The following MINDY4B variants were observed in gnomAD, a reference collection of about 807,000 sequenced individuals.
The protein encoded by MINDY4B is inactive ubiquitin carboxyl-terminal hydrolase MINDY-4B.
Under a neutral mutation model 16.7 loss-of-function variants are expected in MINDY4B, and 25 were observed. That is an observed-to-expected ratio of 1.49 (90% CI 1.09 to 2.09). The LOEUF (loss-of-function observed/expected upper bound fraction) is 2.09, where lower values mean the gene tolerates loss of function less well. Among genes scored for constraint, MINDY4B ranks in the 30% most tolerant of loss-of-function variants. The pLI is 0.00. For synonymous variants in MINDY4B, 132 were observed against 61.9 expected (o/e 2.13, Z -5.32); for missense variants, 327 against 168.4 (o/e 1.94, Z -5.21).
intron 7 of MINDY4B, among the ~76,000 whole-genome samples, chr3:150,888,245 A>G (rs189326870): frequency 7.2e-5 from 11 of 152,176 alleles, no homozygotes; most frequent in Admixed American, 6.5e-4. Context: ...CCATTATCAC[A>G]TGGTGTTCTT....
Position 150,870,700 on chromosome 3 carries a change from C to T in MINDY4B, c.*345G>A, listed in dbSNP as rs376397749. ...CAAATGAAAGCTAGCAGCCTGCTTC[C>T]GTAATCCTCATGGAGAGTTATACCA... On this transcript the variant is annotated 3_prime_UTR_variant, in exon 12 of 12. Transcript: ENST00000465419. 2.6e-5 allele frequency among the ~76,000 whole-genome samples: 4 copies of T among 152,286 alleles called. No individual in the cohort carries two copies. The highest frequency in any genetic ancestry group is 7.2e-5 in the African/African-American group (3 of 41,566).
At chr3:150,873,044 C>G (rs918015239) in intron 11 of MINDY4B, 143 bp downstream of exon 11, 2 of 563,644 alleles carry the variant, frequency 3.5e-6, no homozygotes, top group Non-Finnish European at 6.3e-6. Context: ...CCATGGGATT[C>G]ATGTGTGGGT....
rs1317797270 is a variant in MINDY4B at position 150,883,775 on chromosome 3, G to A, written c.825-3C>T. On this transcript the variant is annotated splice_region_variant and splice_polypyrimidine_tract_variant and intron_variant, in intron 8 of 11. Coordinates refer to ENST00000465419, the MANE Select transcript of MINDY4B (RefSeq NM_001351281.2). ...TGACATCTAGGTCCATTTGAAGCCT[G>A]CAGAGTGGGAGAAGCCATCAGCATC... The A allele has an allele frequency of 1.4e-6, 1 of 702,758 alleles. No individual in the cohort carries two copies. The highest frequency in any genetic ancestry group is 2.6e-6 in the Non-Finnish European group (1 of 384,812). The allele number at this position is 702,758 out of a possible 1,614,324, so 43.5% of individuals were successfully genotyped here. A position where few individuals can be genotyped will look rare whatever the true frequency, so the allele number is the denominator to read the frequency against.
chr3:150,883,460 C>T (rs966699030), intron 9 of MINDY4B, among the ~76,000 whole-genome samples: 5 of 151,710 alleles, frequency 3.3e-5, no homozygotes, highest in Admixed American at 1.3e-4. Context: ...GAAAGGCTCT[C>T]GGAGGTAAAC....
intron 2 of MINDY4B, among the ~76,000 whole-genome samples, chr3:150,904,395 A>G (rs1425561095): frequency 6.6e-6 from 1 of 152,232 alleles, no homozygotes; most frequent in East Asian, 1.9e-4. Context: ...ACTTTTGATC[A>G]TAGGCTACTT....
At chr3:150,893,547 C>T in intron 4 of MINDY4B, 132 bp from the exon 5 acceptor site, 1 of 658,302 alleles carries the variant, frequency 1.5e-6, no homozygotes, top group Non-Finnish European at 2.8e-6. Context: ...ATTTGTGCCA[C>T]TCCTCCCTGC....
In MINDY4B at chr3:150,871,128, G is replaced by A. The variant is rs200732347; in HGVS notation, c.1300C>T (p.Arg434Trp). ...ATTGCCATCTCCACTGGTGAAAACC[G>A]TCGTCTTGGTCCATGTTTCTCTTCC... is the stretch of plus-strand genomic sequence containing the variant. The part of the protein sequence containing the change: ...QQEEKHGPRR[R>W]FSPVEMAIRT... The change falls in exon 12 of 12, where the codon CGG becomes TGG. Residue 434 changes from arginine to tryptophan, a missense_variant. Physicochemically the swap from Arg to Trp is moderately radical, Grantham distance 101. Coordinates refer to ENST00000465419, the MANE Select transcript of MINDY4B (RefSeq NM_001351281.2). The A allele has an allele frequency of 1.4e-3, 1,018 of 702,810 alleles. 1 individual carries two copies. Among genetic ancestry groups the A allele is most frequent in the South Asian group, 2.4e-3 (159 of 67,598 alleles). The allele number at this position is 702,810 out of a possible 1,614,324, so 43.5% of individuals were successfully genotyped here.
At chr3:150,887,865 T>G in intron 7 of MINDY4B, among the ~76,000 whole-genome samples, 1 of 151,956 alleles carries the variant, frequency 6.6e-6, no homozygotes, top group South Asian at 2.1e-4. Flanking sequence ...TCCCAGCACT[T>G]TGGGAGGTTG....
chr3:150,883,093 G>T, intron 9 of MINDY4B, 35 bp from the exon 10 acceptor site: 1 of 625,146 alleles, frequency 1.6e-6, no homozygotes, highest in South Asian at 1.8e-5. Context: ...TTATATTTTA[G>T]ATAGCAATGA....
chr3:150,882,574 A>G (rs372929078), intron 10 of MINDY4B, among the ~76,000 whole-genome samples: 1 of 7,102 alleles, frequency 1.4e-4, no homozygotes, highest in Non-Finnish European at 4.2e-4. Flanking sequence ...GTATATATAT[A>G]TATATATATA....
chr3:150,891,103 G>A lies in MINDY4B; in HGVS notation c.522C>T (p.Asn174=). Residue 174 remains asparagine, a splice_region_variant and synonymous_variant, in exon 6 of 12, where the codon AAC becomes AAT. Coordinates refer to ENST00000465419, the MANE Select transcript of MINDY4B (RefSeq NM_001351281.2). ...TRKGKDCNLG[N]LCEISKKEQE... is the part of the protein sequence containing the mutation. Reference sequence around the variant, plus strand: ...GCTCCTTCTTGCTTATTTCACATAAGCTATAATGCAGAAGGCAGGAGTAGG... The same window carrying A: ...GCTCCTTCTTGCTTATTTCACATAAACTATAATGCAGAAGGCAGGAGTAGG... 1 of 699,398 alleles carries A rather than the reference G, an allele frequency of 1.4e-6. No individual in the cohort carries two copies. The highest frequency in any genetic ancestry group is 2.6e-6 in the Non-Finnish European group (1 of 381,980). 43.3% of individuals were successfully genotyped at this position (699,398 alleles called of 1,614,324 possible). A position where few individuals can be genotyped will look rare whatever the true frequency, so the allele number is the denominator to read the frequency against.
chr3:150,893,676 G>T (rs941557348), intron 4 of MINDY4B, among the ~76,000 whole-genome samples: 2 of 122,926 alleles, frequency 1.6e-5, no homozygotes, highest in Non-Finnish European at 1.6e-5. Flanking sequence ...CCATGTCCCT[G>T]CTTCATAGTA....
At position 150,871,183 on chromosome 3, in the gene MINDY4B, A is replaced by C; in HGVS notation, c.1245T>G (p.Thr415=). The change falls in exon 12 of 12, where the codon ACT becomes ACG. Residue 415 remains threonine (T), a synonymous_variant. Transcript: ENST00000465419. The stretch of plus-strand genomic sequence containing the variant: ...GGTCTCTTTCCCAGTGATGGGAGTG[A>C]GTATCTGAAGAAGGAATAGCCAGCA... ...QKKLVRLTID[T]HSHHWERDQQ... The C allele has an allele frequency of 1.4e-6, 1 of 702,536 alleles. No individual in the cohort carries two copies. Among genetic ancestry groups the C allele is most frequent in the Non-Finnish European group, 2.6e-6 (1 of 384,754 alleles). 43.5% of individuals were successfully genotyped at this position (702,536 alleles called of 1,614,324 possible). A position where few individuals can be genotyped will look rare whatever the true frequency, so the allele number is the denominator to read the frequency against.
chr3:150,890,839 A>T lies in MINDY4B; in HGVS notation c.687+99T>A, dbSNP rs149792990. The T allele has an allele frequency of 4.9e-3, 3,155 of 647,390 alleles. 11 individuals are homozygous for T. Among genetic ancestry groups the T allele is most frequent in the Middle Eastern group, 0.017 (51 of 2,946 alleles). 40.1% of individuals were successfully genotyped at this position (647,390 alleles called of 1,614,324 possible). ...GGAAGGCACCTCCGGTCACATCAGG[A>T]GCATGGATGGGGCCCCACCTGCATA... is the stretch of plus-strand genomic sequence containing the variant. On this transcript the variant is annotated intron_variant, in intron 6 of 11. Transcript: ENST00000465419.
At position 150,890,987 on chromosome 3, in the gene MINDY4B, A is replaced by T. The variant is rs2107905026; in HGVS notation, c.638T>A (p.Ile213Asn). 1.4e-6 allele frequency: 1 copy of T among 702,854 alleles called. No individual in the cohort carries two copies. Among genetic ancestry groups the T allele is most frequent in the South Asian group, 1.5e-5 (1 of 67,600 alleles). 43.5% of individuals were successfully genotyped at this position (702,854 alleles called of 1,614,324 possible). A position where few individuals can be genotyped will look rare whatever the true frequency, so the allele number is the denominator to read the frequency against. Residue 213 changes from isoleucine (I) to asparagine (N), a missense_variant, in exon 6 of 12, where the codon ATT becomes AAT. Transcript: ENST00000465419. ...KATICLVTED[I>N]YVASTPDYSV... ...GTAGTCCGGAGTCGACGCAACGTAA[A>T]TGTCCTCAGTGACAAGACAGATGGT...
chr3:150,898,884 C>T (rs753783584), intron 3 of MINDY4B, among the ~76,000 whole-genome samples: 14 of 152,080 alleles, frequency 9.2e-5, no homozygotes, highest in African/African-American at 2.4e-4. Context: ...TACTTTGTCC[C>T]GGGTTTAGAG....
Position 150,882,918 on chromosome 3 carries a change from C to T in MINDY4B, c.1038G>A (p.Ser346=), listed in dbSNP as rs907108060. ...TCACCTGTGAGAGTCTGTCATCTTC[C>T]GAGGCATCCTTACCCCACTGCAAAT... The part of the protein sequence containing the change: ...VGYLQWGKDA[S]EDDRLSQVGS... Residue 346 remains serine (S), a synonymous_variant, in exon 10 of 12, where the codon TCG becomes TCA. Coordinates refer to ENST00000465419, the MANE Select transcript of MINDY4B (RefSeq NM_001351281.2). 29 of 702,260 alleles carry T rather than the reference C, an allele frequency of 4.1e-5. No homozygotes were observed. The highest frequency in any genetic ancestry group is 3.2e-4 in the African/African-American group (18 of 57,136). The allele number at this position is 702,260 out of a possible 1,614,324, so 43.5% of individuals were successfully genotyped here. A position where few individuals can be genotyped will look rare whatever the true frequency, so the allele number is the denominator to read the frequency against.
In MINDY4B at chr3:150,905,416, C is replaced by T. The variant is rs1712216665; in HGVS notation, c.24G>A (p.Gln8=). The T allele has an allele frequency of 2.5e-6, 1 of 398,440 alleles. No homozygotes were observed. Among genetic ancestry groups the T allele is most frequent in the Non-Finnish European group, 4.4e-6 (1 of 225,990 alleles). 24.7% of individuals were successfully genotyped at this position (398,440 alleles called of 1,614,324 possible). MDMEVLG[Q]EQSSEQLDLE... ...AATCCAGCTGTTCGGAGCTTTGTTCCTGGCCCAAGACCTCCATATCCATTT... is the reference window on the plus strand; with the variant it reads ...AATCCAGCTGTTCGGAGCTTTGTTCTTGGCCCAAGACCTCCATATCCATTT... The change falls in exon 1 of 12, where the codon CAG becomes CAA. Residue 8 remains glutamine (Q), a synonymous_variant. Coordinates refer to ENST00000465419, the MANE Select transcript of MINDY4B (RefSeq NM_001351281.2).
At chr3:150,904,014 G>A (rs1712180228) in intron 2 of MINDY4B, among the ~76,000 whole-genome samples, 1 of 152,256 alleles carries the variant, frequency 6.6e-6, no homozygotes, top group Non-Finnish European at 1.5e-5. Flanking sequence ...ATATACTAAT[G>A]TTGTGCAACA....
Sources: allele counts gnomAD v4.1 joint callset (sites outside exome capture counted in the v4.1 genomes callset), GRCh38; gene constraint gnomAD v4.1.1; transcripts MANE v1.5; gene names NCBI Gene and HGNC (gene_info 2026-07-23, HGNC 2026-07-21).